TNFAIP2: variants seen among roughly 807,000 people sequenced by gnomAD.
TNFAIP2 encodes the protein tumor necrosis factor alpha-induced protein 2.
TNFAIP2 carries 47 observed loss-of-function variants against 63.5 expected under a neutral mutation model. The observed-to-expected ratio is 0.74, with a 90% CI of 0.59 to 0.94. The LOEUF (loss-of-function observed/expected upper bound fraction) is 0.94. Among genes scored for constraint, TNFAIP2 ranks in the 40% least tolerant of loss-of-function variants. The probability of loss-of-function intolerance (pLI) is 0.00; values close to 1 mark genes in which losing one functional copy is unlikely to be tolerated. For synonymous variants in TNFAIP2, 405 were observed against 390.2 expected (o/e 1.04, Z -0.45); for missense variants, 787 against 850.2 (o/e 0.93, Z 0.92).
Position 103,131,244 on chromosome 14 carries a change from C to T in TNFAIP2, c.1298+94C>T. The T allele has an allele frequency of 7.4e-7, 1 of 1,359,700 alleles. No individual in the cohort carries two copies. Among genetic ancestry groups the T allele is most frequent in the Non-Finnish European group, 1.0e-6 (1 of 962,112 alleles). 84.2% of individuals were successfully genotyped at this position (1,359,700 alleles called of 1,614,324 possible). A position where few individuals can be genotyped will look rare whatever the true frequency, so the allele number is the denominator to read the frequency against. On this transcript the variant is annotated intron_variant, in intron 7 of 11. Coordinates refer to ENST00000560869, the MANE Select transcript of TNFAIP2 (RefSeq NM_006291.4). The surrounding 1 kb of genome is among the most constrained non-coding windows in gnomAD (Gnocchi z 4.0). ...TGGAGGGAGGAGGAGCTGCTTAGGCCAAGAAGTGGAATTCAAACCAGCAAC... is the reference window on the plus strand; with the variant it reads ...TGGAGGGAGGAGGAGCTGCTTAGGCTAAGAAGTGGAATTCAAACCAGCAAC...
chr14:103,126,735 G>C, intron 2 of TNFAIP2, 43 bp downstream of exon 2: 1 of 1,540,814 alleles, frequency 6.5e-7, no homozygotes, highest in Non-Finnish European at 8.8e-7. Flanking sequence ...GGGCCTGGAC[G>C]GGGTTGGCGC....
At position 103,132,829 on chromosome 14, in the gene TNFAIP2, C is replaced by A; in HGVS notation, c.1502C>A (p.Thr501Lys). The A allele has an allele frequency of 6.2e-7, 1 of 1,614,070 alleles. No homozygotes were observed. The highest frequency in any genetic ancestry group is 8.5e-7 in the Non-Finnish European group (1 of 1,179,974). Residue 501 changes from threonine (T) to lysine (K), a missense_variant, in exon 9 of 12, where the codon ACG becomes AAG. This residue lies in a region of TNFAIP2 where 523 missense variants were observed against 604.1 expected (regional missense o/e 0.87). Coordinates refer to ENST00000560869, the MANE Select transcript of TNFAIP2 (RefSeq NM_006291.4). ...GAAAACATCATCGCCACTGTAGACA[C>A]GAGGCTGCCTGAGTTCTCAGAGCTG... ...TLENIIATVD[T>K]RLPEFSELQG...
rs758042402 is a variant in TNFAIP2 at position 103,131,271 on chromosome 14, T to C, written c.1298+121T>C. The C allele has an allele frequency of 7.4e-6, 8 of 1,085,552 alleles. No individual in the cohort carries two copies. In the East Asian group the frequency reaches 1.5e-4, roughly 20 times the overall value. The allele number at this position is 1,085,552 out of a possible 1,614,324, so 67.2% of individuals were successfully genotyped here. A position where few individuals can be genotyped will look rare whatever the true frequency, so the allele number is the denominator to read the frequency against. On this transcript the variant is annotated intron_variant, in intron 7 of 11. Coordinates refer to ENST00000560869, the MANE Select transcript of TNFAIP2 (RefSeq NM_006291.4). This position sits in a 1 kb window ranked among gnomAD's most constrained non-coding sequence, Gnocchi z 4.0. ...AGAAGTGGAATTCAAACCAGCAACA[T>C]GTGTGAGGACTCCACGGCCTGCAGC...
chr14:103,130,414 A>T lies in TNFAIP2; in HGVS notation c.1198A>T (p.Ser400Cys). Residue 400 changes from serine to cysteine, a missense_variant and splice_region_variant, in exon 6 of 12, where the codon AGC becomes TGC. Physicochemically the swap from Ser to Cys is moderately radical, Grantham distance 112. Coordinates refer to ENST00000560869, the MANE Select transcript of TNFAIP2 (RefSeq NM_006291.4). ...LLVELPAFLR[S>C]YQRAFNEFLE... The stretch of plus-strand genomic sequence containing the variant: ...GGTGGAGCTGCCTGCGTTCCTGAGG[A>T]GGTGGGTGTGTGCCCAGGATGGGGT... The T allele has an allele frequency of 6.4e-7, 1 of 1,558,814 alleles. No homozygotes were observed. Among genetic ancestry groups the T allele is most frequent in the African/African-American group, 1.4e-5 (1 of 73,778 alleles).
At chr14:103,125,234 G>A (rs1214936303) in intron 1 of TNFAIP2, among the ~76,000 whole-genome samples, 1 of 152,244 alleles carries the variant, frequency 6.6e-6, no homozygotes, top group Non-Finnish European at 1.5e-5. Flanking sequence ...GGGAGGCCCA[G>A]CCCCTGCCTG....
chr14:103,125,146 T>C (rs577411284), intron 1 of TNFAIP2, among the ~76,000 whole-genome samples: 2 of 152,348 alleles, frequency 1.3e-5, no homozygotes, highest in Non-Finnish European at 2.9e-5. Flanking sequence ...CCATGATACA[T>C]GAGACAAGGC....
intron 11 of TNFAIP2, among the ~76,000 whole-genome samples, 160 bp downstream of exon 11, chr14:103,133,963 A>C (rs890617503): frequency 6.6e-6 from 1 of 152,222 alleles, no homozygotes; most frequent in Non-Finnish European, 1.5e-5. Context: ...CAGCACTACG[A>C]GGACAATACT....
intron 10 of TNFAIP2, 56 bp downstream of exon 10, chr14:103,133,573 T>C (rs1267899031): frequency 3.8e-6 from 6 of 1,596,370 alleles, no homozygotes; most frequent in Non-Finnish European, 5.1e-6. Flanking sequence ...TCTTCTCCCC[T>C]AGCCCTTTCA....
intron 8 of TNFAIP2, 147 bp from the exon 9 acceptor site, chr14:103,132,603 C>A: frequency 8.0e-7 from 1 of 1,250,692 alleles, no homozygotes; most frequent in Admixed American, 2.0e-5. Context: ...GAGGTTGGCC[C>A]GGGTTCCCTG....
At position 103,127,084 on chromosome 14, in the gene TNFAIP2, G is replaced by A. The variant is rs2087871429; in HGVS notation, c.315G>A (p.Ala105=). The change falls in exon 3 of 12, where the codon GCG becomes GCA. Residue 105 remains alanine, a synonymous_variant. Transcript: ENST00000560869. This position sits in a 1 kb window ranked among gnomAD's most constrained non-coding sequence, Gnocchi z 5.1. ...RPLLALEREL[A]AAAAAGGVSE... Reference sequence around the variant, plus strand: ...TGCTGGCGCTGGAGCGGGAGCTGGCGGCGGCGGCGGCGGCGGGCGGTGTGA... The same window carrying A: ...TGCTGGCGCTGGAGCGGGAGCTGGCAGCGGCGGCGGCGGCGGGCGGTGTGA... 7 of 1,103,886 alleles carry A rather than the reference G, an allele frequency of 6.3e-6. No individual in the cohort carries two copies. Among genetic ancestry groups the A allele is most frequent in the Non-Finnish European group, 7.7e-6 (7 of 906,832 alleles). The allele number at this position is 1,103,886 out of a possible 1,614,324, so 68.4% of individuals were successfully genotyped here.
In TNFAIP2 at chr14:103,133,007, T is replaced by C. The variant is rs1046658601; in HGVS notation, c.1545+135T>C. 7.2e-6 allele frequency: 10 copies of C among 1,384,910 alleles called. No individual in the cohort carries two copies. The African/African-American group carries it at 9.9e-5, about 14-fold the overall frequency. 85.8% of individuals were successfully genotyped at this position (1,384,910 alleles called of 1,614,324 possible). On this transcript the variant is annotated intron_variant, in intron 9 of 11. Coordinates refer to ENST00000560869, the MANE Select transcript of TNFAIP2 (RefSeq NM_006291.4). ...GTGAACACACGTGAATGCACGAGCA[T>C]GTGAACACGTGCACATGTGAACACA...
intron 8 of TNFAIP2, 90 bp from the exon 9 acceptor site, chr14:103,132,660 T>C (rs922433382): frequency 5.9e-6 from 9 of 1,518,506 alleles, no homozygotes; most frequent in Non-Finnish European, 8.0e-6. Context: ...CATGTGTCGG[T>C]GTGTGTCTGT....
intron 9 of TNFAIP2, 53 bp from the exon 10 acceptor site, chr14:103,133,309 C>T (rs551523416): frequency 8.8e-6 from 14 of 1,583,336 alleles, no homozygotes; most frequent in Middle Eastern, 2.1e-4. Flanking sequence ...AGGGAGGTGG[C>T]GAGCTCCCCA....
chr14:103,122,038 G>C (rs139150415), upstream of TNFAIP2, among the ~76,000 whole-genome samples: 269 of 152,282 alleles, frequency 1.8e-3, 7 homozygotes, highest in East Asian at 0.045. Flanking sequence ...CCATCTGCGC[G>C]GTGCCGGTGG....
chr14:103,131,744 C>T lies in TNFAIP2; in HGVS notation c.1404C>T (p.Asn468=), dbSNP rs1197734610. 1 of 1,612,276 alleles carries T rather than the reference C, an allele frequency of 6.2e-7. No individual in the cohort carries two copies. Among genetic ancestry groups the T allele is most frequent in the Non-Finnish European group, 8.5e-7 (1 of 1,179,760 alleles). Residue 468 remains asparagine, a synonymous_variant, in exon 8 of 12, where the codon AAC becomes AAT. Transcript: ENST00000560869. This position sits in a 1 kb window ranked among gnomAD's most constrained non-coding sequence, Gnocchi z 4.0. ...KSHGFDTLLQ[N]LHEDLKPLFK... ...ACGGCTTTGACACCCTGCTCCAGAA[C>T]CTGCATGAGGACCTGAAGGTAGCGG...
chr14:103,133,941 T>C, intron 11 of TNFAIP2, 138 bp downstream of exon 11: 1 of 1,139,532 alleles, frequency 8.8e-7, no homozygotes, highest in Non-Finnish European at 1.2e-6. Context: ...CTCATTCTTG[T>C]GGCCTTCACC....
In TNFAIP2 at chr14:103,136,832, T is replaced by G. The variant is rs1399969619; in HGVS notation, c.*1472T>G. 1 of 152,206 alleles carries G rather than the reference T, an allele frequency of 6.6e-6. No individual in the cohort carries two copies. Among genetic ancestry groups the G allele is most frequent in the Non-Finnish European group, 1.5e-5 (1 of 68,038 alleles). 9.4% of individuals were successfully genotyped at this position (152,206 alleles called of 1,614,324 possible). Reference sequence around the variant, plus strand: ...GCTCTACCGCTTTTAAGGACGCTTATGATCACATTGCGCCTACCCAGAGAA... The same window carrying G: ...GCTCTACCGCTTTTAAGGACGCTTAGGATCACATTGCGCCTACCCAGAGAA... On this transcript the variant is annotated 3_prime_UTR_variant, in exon 12 of 12. Coordinates refer to ENST00000560869, the MANE Select transcript of TNFAIP2 (RefSeq NM_006291.4).
In TNFAIP2 at chr14:103,136,273, G is replaced by C; in HGVS notation, c.*913G>C. ...GCCGTGACAGGTTTCCACAAACTTC[G>C]TGGATCAAAACGAGGTCTTCCAGTT... On this transcript the variant is annotated 3_prime_UTR_variant, in exon 12 of 12. Transcript: ENST00000560869. 1 of 211,126 alleles carries C rather than the reference G, an allele frequency of 4.7e-6. No homozygotes were observed. Among genetic ancestry groups the C allele is most frequent in the South Asian group, 6.3e-5 (1 of 15,790 alleles). The allele number at this position is 211,126 out of a possible 1,614,324, so 13.1% of individuals were successfully genotyped here.
chr14:103,123,098 C>G (rs993392747), upstream of TNFAIP2: 15 of 252,094 alleles, frequency 6.0e-5, no homozygotes, highest in Non-Finnish European at 1.1e-4. Flanking sequence ...CGGTGTGTGA[C>G]GCGGGAACGC....
Sources: gnomAD v4.1 joint callset for allele counts (sites outside exome capture counted in the v4.1 genomes callset) on GRCh38, gnomAD v4.1.1 for gene constraint, gnomAD v4.1.1 regional missense constraint, Gnocchi (gnomAD v3.1) non-coding constraint, MANE v1.5 for transcripts, NCBI Gene and HGNC (gene_info 2026-07-23, HGNC 2026-07-21) for gene names.